Variants in PNLDC1 observed in about 807,000 individuals in gnomAD.
The protein encoded by PNLDC1 is poly(A)-specific ribonuclease PNLDC1.
PNLDC1 carries 70 observed loss-of-function variants against 82.0 expected under a neutral mutation model. That is an observed-to-expected ratio of 0.85 (90% CI 0.70 to 1.04). The LOEUF (loss-of-function observed/expected upper bound fraction) is 1.04, where lower values mean the gene tolerates loss of function less well. Among genes scored for constraint, PNLDC1 ranks in the 50% least tolerant of loss-of-function variants. PNLDC1 has a pLI of 0.00. For synonymous variants in PNLDC1, 280 were observed against 249.3 expected, an observed-to-expected ratio of 1.12 and a Z score of -1.16; for missense variants, 631 against 661.1, an observed-to-expected ratio of 0.95 and a Z score of 0.50.
At chr6:159,812,750 A>T (rs1028017985) in intron 11 of PNLDC1, among the ~76,000 whole-genome samples, 5 of 152,198 alleles carry the variant, frequency 3.3e-5, no homozygotes, top group African/African-American at 9.6e-5. Flanking sequence ...AGCCAGGCAC[A>T]GTGGCTCACA....
At chr6:159,815,724 G>A (rs1474537173) in intron 12 of PNLDC1, among the ~76,000 whole-genome samples, 2 of 152,158 alleles carry the variant, frequency 1.3e-5, no homozygotes, top group African/African-American at 4.8e-5. Context: ...CTTGGTGCCT[G>A]GGCTCAAGTG....
At chr6:159,814,194 C>G (rs2115051847) in intron 12 of PNLDC1, among the ~76,000 whole-genome samples, 1 of 152,360 alleles carries the variant, frequency 6.6e-6, no homozygotes, top group African/African-American at 2.4e-5. Flanking sequence ...ACTCTGCTCT[C>G]CGCAGGGGCA....
intron 7 of PNLDC1, 71 bp from the exon 8 acceptor site, chr6:159,808,669 C>G (rs1002445140): frequency 7.1e-7 from 1 of 1,412,632 alleles, no homozygotes; most frequent in African/African-American, 1.4e-5. Flanking sequence ...TCTGCTCCTC[C>G]AGGGCTTCTC....
intron 6 of PNLDC1, 29 bp from the exon 7 acceptor site, chr6:159,805,954 C>T (rs903858331): frequency 4.5e-6 from 7 of 1,546,226 alleles, no homozygotes; most frequent in African/African-American, 1.4e-5. Flanking sequence ...TTTTCTCTGA[C>T]ATGTTCACTT....
At chr6:159,803,166 A>G (rs1363535894) in intron 3 of PNLDC1, 105 bp from the exon 4 acceptor site, 42 of 997,200 alleles carry the variant, frequency 4.2e-5, no homozygotes, top group Non-Finnish European at 6.2e-5. Context: ...TACAGCCCAC[A>G]TAGTATCTGT....
Position 159,800,394 on chromosome 6 carries a change from T to G in PNLDC1, c.76+11T>G. ...AGGCCGACTTCGTGGGTGAAGAGCC[T>G]GGGATTCGCGGCTGTGCCGGACAGA... On this transcript the variant is annotated intron_variant, in intron 1 of 18. Transcript: ENST00000392167. 1 of 1,547,330 alleles carries G rather than the reference T, an allele frequency of 6.5e-7. No homozygotes were observed. The highest frequency in any genetic ancestry group is 2.4e-5 in the East Asian group (1 of 40,870).
At position 159,812,092 on chromosome 6, in the gene PNLDC1, G is replaced by A. The variant is rs538692172; in HGVS notation, c.939+306G>A. 3.4e-4 allele frequency among the ~76,000 whole-genome samples: 51 copies of A among 152,134 alleles called. No individual in the cohort carries two copies. In the South Asian group the frequency reaches 0.011, roughly 32 times the overall value. On this transcript the variant is annotated intron_variant, in intron 11 of 18. Coordinates refer to ENST00000392167, the MANE Select transcript of PNLDC1 (RefSeq NM_001271862.2). ...TTTTTTTGTATTTTTAGTAAAGACG[G>A]GGTTTCACCATGTTAGCCAGGATCG...
At position 159,818,756 on chromosome 6, in the gene PNLDC1, T is replaced by C; in HGVS notation, c.1257+102T>C. ...GGACTCGTGAGAGGGATTTCGGTGG[T>C]CGGTGAGATGAGAGCTGGGTTTTTC... On this transcript the variant is annotated intron_variant, in intron 16 of 18. Coordinates refer to ENST00000392167, the MANE Select transcript of PNLDC1 (RefSeq NM_001271862.2). The C allele has an allele frequency of 3.9e-6, 5 of 1,290,518 alleles. No homozygotes were observed. The Admixed American group carries it at 9.5e-5, about 24-fold the overall frequency. 79.9% of individuals were successfully genotyped at this position (1,290,518 alleles called of 1,614,324 possible). A position where few individuals can be genotyped will look rare whatever the true frequency, so the allele number is the denominator to read the frequency against.
At chr6:159,814,727 G>A (rs1409059549) in intron 12 of PNLDC1, among the ~76,000 whole-genome samples, 1 of 152,184 alleles carries the variant, frequency 6.6e-6, no homozygotes, top group Non-Finnish European at 1.5e-5. Context: ...GCCACTCACT[G>A]GTTCTGTGAG....
chr6:159,820,559 T>C lies in PNLDC1; in HGVS notation c.*42T>C, dbSNP rs772705994. The C allele has an allele frequency of 1.1e-5, 17 of 1,578,090 alleles. No individual in the cohort carries two copies. Among genetic ancestry groups the C allele is most frequent in the South Asian group, 1.0e-4 (9 of 90,348 alleles). On this transcript the variant is annotated 3_prime_UTR_variant, in exon 19 of 19. Coordinates refer to ENST00000392167, the MANE Select transcript of PNLDC1 (RefSeq NM_001271862.2). Reference sequence around the variant, plus strand: ...TGCGGCCACCCTCGGGTCCCCATGCTCTCTGGGAGGTGTGCTGGGTGTGTT... The same window carrying C: ...TGCGGCCACCCTCGGGTCCCCATGCCCTCTGGGAGGTGTGCTGGGTGTGTT...
Position 159,804,540 on chromosome 6 carries a change from T to G in PNLDC1, c.373-9T>G, listed in dbSNP as rs1200273078. 4.5e-6 allele frequency: 7 copies of G among 1,550,628 alleles called. No individual in the cohort carries two copies. The highest frequency in any genetic ancestry group is 6.2e-6 in the Non-Finnish European group (7 of 1,122,740). On this transcript the variant is annotated splice_polypyrimidine_tract_variant and intron_variant, in intron 5 of 18. Coordinates refer to ENST00000392167, the MANE Select transcript of PNLDC1 (RefSeq NM_001271862.2). ...CTTGTTCTGTTTGTTGTTCTGTTTC[T>G]GTCTTAAGTTTCTCAAAAACGGAAT... is the stretch of plus-strand genomic sequence containing the variant.
chr6:159,807,909 T>C (rs1781506279), intron 7 of PNLDC1, among the ~76,000 whole-genome samples: 1 of 147,518 alleles, frequency 6.8e-6, no homozygotes, highest in Non-Finnish European at 1.5e-5. Context: ...TGAGGCTGGA[T>C]TTTTTTTTTC....
chr6:159,810,124 T>C, intron 10 of PNLDC1, 29 bp downstream of exon 10: 1 of 1,591,934 alleles, frequency 6.3e-7, no homozygotes, highest in Non-Finnish European at 8.6e-7. Flanking sequence ...TTTCTCTTCC[T>C]TCACGCTAGT....
At chr6:159,811,596 T>G in intron 10 of PNLDC1, 105 bp from the exon 11 acceptor site, 1 of 811,248 alleles carries the variant, frequency 1.2e-6, no homozygotes, top group Non-Finnish European at 2.1e-6. Context: ...TTGTTTCAGT[T>G]TGCTTTATTA....
At chr6:159,803,880 A>G (rs1025935826) in intron 4 of PNLDC1, 85 bp from the exon 5 acceptor site, 2 of 1,444,456 alleles carry the variant, frequency 1.4e-6, no homozygotes, top group Non-Finnish European at 1.9e-6. Context: ...TGCCTAAAAG[A>G]AAGAGCCCAC....
chr6:159,802,357 G>T (rs1198771526), intron 3 of PNLDC1, among the ~76,000 whole-genome samples: 4 of 151,450 alleles, frequency 2.6e-5, no homozygotes, highest in Non-Finnish European at 5.9e-5. Flanking sequence ...GGGCTCTGGA[G>T]ATCCTCCAGT....
intron 11 of PNLDC1, among the ~76,000 whole-genome samples, chr6:159,812,973 G>A (rs1049859212): frequency 1.3e-5 from 2 of 152,174 alleles, no homozygotes; most frequent in African/African-American, 2.4e-5. Context: ...GCAGTGAGCC[G>A]AGATTGCACC....
In PNLDC1 at chr6:159,816,025, A is replaced by T; in HGVS notation, c.1052A>T (p.Glu351Val). The stretch of plus-strand genomic sequence containing the variant: ...GAGATTGTTCACGCGAGCAGGTGTG[A>T]GAAATATGGTACGTTCCCATGAGCC... ...GPEIVHASRC[E>V]KYVETKCPHE... is the part of the protein sequence containing the mutation. Residue 351 changes from glutamate to valine, a missense_variant, in exon 13 of 19, where the codon GAG becomes GTG. Coordinates refer to ENST00000392167, the MANE Select transcript of PNLDC1 (RefSeq NM_001271862.2). 6.2e-7 allele frequency: 1 copy of T among 1,611,130 alleles called. No individual in the cohort carries two copies.
chr6:159,819,453 G>A lies in PNLDC1; in HGVS notation c.1532+101G>A, dbSNP rs559707692. On this transcript the variant is annotated intron_variant, in intron 18 of 18. Transcript: ENST00000392167. The surrounding 1 kb of genome is among the most constrained non-coding windows in gnomAD (Gnocchi z 4.6). ...TGACTCGAGCACAGCTCACTTGCTG[G>A]TGTGTGTTGCCAAGGGGGTTGTGTT... 4.8e-6 allele frequency: 5 copies of A among 1,035,720 alleles called. No homozygotes were observed. The East Asian group carries it at 1.0e-4, about 21-fold the overall frequency. 64.2% of individuals were successfully genotyped at this position (1,035,720 alleles called of 1,614,324 possible). A position where few individuals can be genotyped will look rare whatever the true frequency, so the allele number is the denominator to read the frequency against.
Sources: allele counts gnomAD v4.1 joint callset (sites outside exome capture counted in the v4.1 genomes callset), GRCh38; gene constraint gnomAD v4.1.1; non-coding constraint Gnocchi (gnomAD v3.1); transcripts MANE v1.5; gene names NCBI Gene and HGNC (gene_info 2026-07-23, HGNC 2026-07-21).